Variants in STAU1 observed in about 807,000 individuals in gnomAD.
The protein encoded by STAU1 is staufen double-stranded RNA binding protein 1.
Under a neutral mutation model 62.9 loss-of-function variants are expected in STAU1, and 13 were observed. That is an observed-to-expected ratio of 0.21 (90% confidence interval 0.13 to 0.33). The LOEUF is 0.33. STAU1 is among the 10% of genes least tolerant of loss of function. The probability of loss-of-function intolerance (pLI) is 1.00; values close to 1 mark genes in which losing one functional copy is unlikely to be tolerated. For missense variants in STAU1, 571 were observed against 712.1 expected (o/e 0.80, Z 2.25); for synonymous variants, 269 against 265.1 (o/e 1.01, Z -0.14).
At chr20:49,168,087 T>A (rs866384552) in intron 2 of STAU1, among the ~76,000 whole-genome samples, 1 of 53,828 alleles carries the variant, frequency 1.9e-5, no homozygotes, top group African/African-American at 6.2e-5. Flanking sequence ...AATTTTTAAT[T>A]TTTTTTTTTT....
chr20:49,213,431 T>C, the STAU1 span, among the ~76,000 whole-genome samples: 1 of 152,128 alleles, frequency 6.6e-6, no homozygotes, highest in African/African-American at 2.4e-5. Flanking sequence ...GGTTTCACCA[T>C]GTTGGTCAGG....
chr20:49,153,906 C>CAA (rs3092191), intron 4 of STAU1, 27 bp downstream of exon 4: 8,087 of 1,359,408 alleles, frequency 5.9e-3, no homozygotes, highest in South Asian at 0.017. Flanking sequence ...CTGTATTTTA[C>CAA]AAAAAAAAAA....
At chr20:49,177,200 G>A (rs62210458) in intron 1 of STAU1, among the ~76,000 whole-genome samples, 18,211 of 148,938 alleles carry the variant, frequency 0.12, 1,321 homozygotes, top group South Asian at 0.19. Flanking sequence ...GTGAGCCACC[G>A]CACCTGGCCC....
chr20:49,175,492 T>C (rs1051807078), intron 1 of STAU1, among the ~76,000 whole-genome samples: 2 of 152,138 alleles, frequency 1.3e-5, no homozygotes, highest in Non-Finnish European at 2.9e-5. Flanking sequence ...GTTCAGGTTT[T>C]TTTTTGAGAT....
At chr20:49,126,588 C>CAAAAAAAAAACAAAAAAAAAACAA (rs1555837251) in intron 6 of STAU1, among the ~76,000 whole-genome samples, 6 of 56,348 alleles carry the variant, frequency 1.1e-4, no homozygotes, top group Admixed American at 1.8e-4. Context: ...AAAAAAAAAA[C>CAAAAAAAAAACAAAAAAAAAACAA]AAAAAAAAAA....
At chr20:49,196,307 G>A in the STAU1 span, among the ~76,000 whole-genome samples, 1 of 151,216 alleles carries the variant, frequency 6.6e-6, no homozygotes, top group Non-Finnish European at 1.5e-5. Context: ...AAGGTGGCGG[G>A]CGCCTGTAGT....
chr20:49,140,951 A>AT (rs1262104903), intron 5 of STAU1, among the ~76,000 whole-genome samples: 1 of 151,126 alleles, frequency 6.6e-6, no homozygotes, highest in Non-Finnish European at 1.5e-5. Context: ...CCTGAAGAGC[A>AT]TCCAGAGTTT....
At chr20:49,181,645 A>C (rs1600891224) in intron 1 of STAU1, among the ~76,000 whole-genome samples, 1 of 152,022 alleles carries the variant, frequency 6.6e-6, no homozygotes, top group East Asian at 1.9e-4. Context: ...GCTCAATTGT[A>C]GTCTCAGCTA....
intron 8 of STAU1, among the ~76,000 whole-genome samples, chr20:49,121,710 A>G (rs2092468696): frequency 6.6e-6 from 1 of 152,248 alleles, no homozygotes; most frequent in African/African-American, 2.4e-5. Context: ...CCTTTGTGTC[A>G]GTAAAATTTA....
the STAU1 span, among the ~76,000 whole-genome samples, chr20:49,201,314 T>C: frequency 1.2e-4 from 19 of 152,116 alleles, no homozygotes; most frequent in South Asian, 3.9e-3. Flanking sequence ...CTAATGTCAT[T>C]GATGAGGAAG....
upstream of STAU1, among the ~76,000 whole-genome samples, chr20:49,193,353 G>T (rs1340173870): frequency 2.0e-5 from 3 of 151,902 alleles, no homozygotes; most frequent in South Asian, 6.2e-4. Context: ...CTGCAGCCTG[G>T]CCAACAGAGC....
At chr20:49,133,386 C>T (rs1042636948) in intron 6 of STAU1, among the ~76,000 whole-genome samples, 19 of 152,168 alleles carry the variant, frequency 1.2e-4, no homozygotes, top group Non-Finnish European at 2.6e-4. Context: ...CAGGCATCTC[C>T]CACTCCCCAC....
chr20:49,179,770 T>C (rs2093701686), intron 1 of STAU1, among the ~76,000 whole-genome samples: 1 of 152,202 alleles, frequency 6.6e-6, no homozygotes, highest in Non-Finnish European at 1.5e-5. Flanking sequence ...AAGATCTAGT[T>C]AGATCCTAAA....
chr20:49,127,249 G>C (rs926164361), intron 6 of STAU1, among the ~76,000 whole-genome samples: 1 of 152,144 alleles, frequency 6.6e-6, no homozygotes, highest in Non-Finnish European at 1.5e-5. Context: ...AGCTACTTAG[G>C]AGGCTGAGAC....
At chr20:49,115,745 C>CCAT in intron 13 of STAU1, 37 bp downstream of exon 13, 4 of 1,547,780 alleles carry the variant, frequency 2.6e-6, no homozygotes, top group Non-Finnish European at 3.6e-6. Flanking sequence ...GGCAGCCTCC[C>CCAT]CATCATCAGC....
chr20:49,160,950 G>A (rs931184430), intron 3 of STAU1, among the ~76,000 whole-genome samples: 6 of 152,126 alleles, frequency 3.9e-5, no homozygotes, highest in South Asian at 2.1e-4. Flanking sequence ...GAAAACTTAC[G>A]GGCAATCAAT....
At chr20:49,132,043 G>A (rs1483053585) in intron 6 of STAU1, among the ~76,000 whole-genome samples, 2 of 148,656 alleles carry the variant, frequency 1.3e-5, no homozygotes, top group Non-Finnish European at 3.0e-5. Context: ...TTTTTTTTTT[G>A]GTGTAGGGGA....
chr20:49,126,975 A>G (rs2092641541), intron 6 of STAU1, among the ~76,000 whole-genome samples: 1 of 152,206 alleles, frequency 6.6e-6, no homozygotes, highest in Non-Finnish European at 1.5e-5. Context: ...AGACTTTATA[A>G]CAGGAGAAAG....
the STAU1 span, among the ~76,000 whole-genome samples, chr20:49,195,535 C>CAAAAAA: frequency 6.6e-4 from 25 of 38,146 alleles, 1 homozygote; most frequent in South Asian, 2.4e-3. Context: ...GACTCCGTCT[C>CAAAAAA]AAAAAAAAAA....
Sources: allele counts gnomAD v4.1 joint callset (sites outside exome capture counted in the v4.1 genomes callset), GRCh38; gene constraint gnomAD v4.1.1; transcripts MANE v1.5; gene names NCBI Gene and HGNC (gene_info 2026-07-23, HGNC 2026-07-21).